COL11A1: variants seen among roughly 807,000 people sequenced by gnomAD.
COL11A1 encodes collagen alpha-1(XI) chain.
A neutral mutation model predicts 265.2 loss-of-function variants in COL11A1; 74 were observed. The observed-to-expected ratio is 0.28, with a 90% CI of 0.23 to 0.34. The LOEUF is 0.34. Among genes scored for constraint, COL11A1 ranks in the 10% least tolerant of loss-of-function variants. COL11A1 has a pLI of 1.00. For synonymous variants in COL11A1, 816 were observed against 727.6 expected (o/e 1.12, Z -1.96); for missense variants, 2,165 against 2,263.6 (o/e 0.96, Z 0.88).
intron 24 of COL11A1, among the ~76,000 whole-genome samples, chr1:103,000,544 C>A (rs772464699): frequency 6.6e-6 from 1 of 151,748 alleles, no homozygotes; most frequent in Admixed American, 6.6e-5. Context: ...ATGCAAATTA[C>A]AACCACAATG....
chr1:103,094,983 C>A (rs1302319691), intron 1 of COL11A1, among the ~76,000 whole-genome samples: 1 of 152,012 alleles, frequency 6.6e-6, no homozygotes, highest in East Asian at 1.9e-4. Context: ...GTAGCCATCA[C>A]CATGGCTCTC....
chr1:103,039,720 T>G (rs1187280997), intron 4 of COL11A1, among the ~76,000 whole-genome samples: 3 of 151,680 alleles, frequency 2.0e-5, no homozygotes, highest in African/African-American at 7.2e-5. Context: ...CCTAAAAAAC[T>G]AATATAAATC....
chr1:102,964,059 G>A (rs906482937), intron 38 of COL11A1, among the ~76,000 whole-genome samples: 2 of 152,100 alleles, frequency 1.3e-5, no homozygotes, highest in Non-Finnish European at 2.9e-5. Context: ...TGCATCTTCA[G>A]TAAAACACCA....
intron 1 of COL11A1, among the ~76,000 whole-genome samples, chr1:103,096,412 ATGAT>A (rs1310573986): frequency 1.3e-5 from 2 of 151,974 alleles, no homozygotes; most frequent in African/African-American, 4.8e-5. Context: ...CTGGAACATC[ATGAT>A]TGATTGGGTT....
chr1:102,977,765 C>T (rs1486233309), intron 35 of COL11A1, among the ~76,000 whole-genome samples: 4 of 151,996 alleles, frequency 2.6e-5, no homozygotes, highest in African/African-American at 7.2e-5. Context: ...AACAGTTCAT[C>T]GAGAGTGAGA....
chr1:102,881,133 A>G (rs1261902376), intron 65 of COL11A1, among the ~76,000 whole-genome samples: 1 of 152,122 alleles, frequency 6.6e-6, no homozygotes, highest in East Asian at 1.9e-4. Flanking sequence ...TAACTTCTAA[A>G]TAAAATACTT....
Position 103,031,171 on chromosome 1 carries a change from T to C in COL11A1, c.725A>G (p.Asp242Gly). The C allele has an allele frequency of 6.2e-7, 1 of 1,612,746 alleles. No homozygotes were observed. The highest frequency in any genetic ancestry group is 8.5e-7 in the Non-Finnish European group (1 of 1,179,672). The change falls in exon 5 of 67, where the codon GAC (aspartate) becomes GGC (glycine). Residue 242 changes from aspartate to glycine, a missense_variant. Coordinates refer to ENST00000370096, the MANE Select transcript of COL11A1 (RefSeq NM_001854.4). ...AGCCTTGGGTGCTGAAGAGTCACAG[T>C]CTGGACTATAATGCTCACAGTAGTC... ...AYDYCEHYSP[D>G]CDSSAPKAAQ...
At chr1:102,935,029 T>C (rs779528193) in intron 45 of COL11A1, 31 bp downstream of exon 45, 12 of 1,609,974 alleles carry the variant, frequency 7.5e-6, no homozygotes, top group Non-Finnish European at 9.3e-6. Context: ...CTGTAAGGAT[T>C]TAGATTTGCT....
intron 1 of COL11A1, among the ~76,000 whole-genome samples, chr1:103,097,895 C>T (rs1673912445): frequency 6.6e-6 from 1 of 151,898 alleles, no homozygotes; most frequent in African/African-American, 2.4e-5. Flanking sequence ...TTAACTTTTA[C>T]AGTTATTGAA....
chr1:103,048,773 T>C (rs931431210), intron 4 of COL11A1, among the ~76,000 whole-genome samples: 10 of 152,172 alleles, frequency 6.6e-5, no homozygotes, highest in African/African-American at 2.4e-4. Flanking sequence ...GCTTTGAATA[T>C]GTCCTAGAGA....
chr1:103,011,340 T>C (rs924716581), intron 14 of COL11A1, among the ~76,000 whole-genome samples: 13 of 152,106 alleles, frequency 8.5e-5, no homozygotes, highest in Middle Eastern at 3.2e-3. Context: ...CATGATAAAA[T>C]ACATGATAAA....
Position 103,059,854 on chromosome 1 carries a change from C to T in COL11A1, c.651+14764G>A, listed in dbSNP as rs1670526593. 2.0e-5 allele frequency among the ~76,000 whole-genome samples: 3 copies of T among 152,046 alleles called. 1 individual carries two copies. The South Asian group carries it at 6.2e-4, about 32-fold the overall frequency. On this transcript the variant is annotated intron_variant, in intron 4 of 66. Coordinates refer to ENST00000370096, the MANE Select transcript of COL11A1 (RefSeq NM_001854.4). ...AGAAAAAAAGCTGGGAAATACAAAA[C>T]TAAACAGGATATCTAAAAGCTTTGG... is the stretch of plus-strand genomic sequence containing the variant.
At chr1:102,888,491 T>C (rs2100850447) in intron 62 of COL11A1, 86 bp downstream of exon 62, 1 of 1,313,044 alleles carries the variant, frequency 7.6e-7, no homozygotes, top group Non-Finnish European at 1.1e-6. Flanking sequence ...GAATGTGCTT[T>C]TTGTCTATCT....
At chr1:102,954,389 G>T (rs948619334) in intron 41 of COL11A1, among the ~76,000 whole-genome samples, 2 of 152,084 alleles carry the variant, frequency 1.3e-5, no homozygotes, top group Non-Finnish European at 2.9e-5. Context: ...ATTCTGAGGA[G>T]CATTTGTAAA....
At chr1:103,103,066 T>C (rs1406330335) in intron 1 of COL11A1, among the ~76,000 whole-genome samples, 6 of 152,034 alleles carry the variant, frequency 3.9e-5, no homozygotes, top group African/African-American at 1.4e-4. Context: ...AGCTAACAGA[T>C]ACTTATGTAA....
chr1:102,918,113 C>A (rs1443347448), intron 49 of COL11A1, among the ~76,000 whole-genome samples: 3 of 151,210 alleles, frequency 2.0e-5, no homozygotes, highest in Non-Finnish European at 4.4e-5. Context: ...ACTATTCATT[C>A]TGAAGAATAA....
At chr1:103,088,027 C>T (rs1189230944) in intron 1 of COL11A1, among the ~76,000 whole-genome samples, 1 of 152,142 alleles carries the variant, frequency 6.6e-6, no homozygotes, top group Admixed American at 6.5e-5. Context: ...ACCTCTTAAA[C>T]ACCACCACCC....
chr1:102,924,053 C>CAAAAAAAAAAAA (rs577410207), intron 46 of COL11A1, among the ~76,000 whole-genome samples: 1 of 106,798 alleles, frequency 9.4e-6, no homozygotes, highest in African/African-American at 3.1e-5. Context: ...ACTAAAAATA[C>CAAAAAAAAAAAA]AAAAAAAAAA....
chr1:103,010,626 C>A (rs1362071458), intron 14 of COL11A1, among the ~76,000 whole-genome samples: 1 of 151,936 alleles, frequency 6.6e-6, no homozygotes, highest in Non-Finnish European at 1.5e-5. Context: ...GAATCCATTT[C>A]CTTGTGTTTT....
Sources: allele counts gnomAD v4.1 joint callset (sites outside exome capture counted in the v4.1 genomes callset), GRCh38; gene constraint gnomAD v4.1.1; transcripts MANE v1.5; gene names NCBI Gene and HGNC (gene_info 2026-07-23, HGNC 2026-07-21).